CAPN9: variants seen among roughly 807,000 people sequenced by gnomAD.
The protein encoded by CAPN9 is calpain 9.
CAPN9 carries 81 observed loss-of-function variants against 92.8 expected under a neutral mutation model. The observed-to-expected ratio is 0.87, with a 90% CI of 0.73 to 1.05. The LOEUF (loss-of-function observed/expected upper bound fraction) is 1.05, where lower values mean the gene tolerates loss of function less well. CAPN9 is among the 50% of genes least tolerant of loss of function. The pLI, the probability that CAPN9 is intolerant of heterozygous loss-of-function variation, is 0.00. For missense variants in CAPN9, 848 were observed against 866.2 expected, an observed-to-expected ratio of 0.98 and a Z score of 0.26; for synonymous variants, 304 against 328.0, an observed-to-expected ratio of 0.93 and a Z score of 0.79.
At chr1:230,781,208 T>TA (rs2102899728) in intron 11 of CAPN9, among the ~76,000 whole-genome samples, 1 of 148,926 alleles carries the variant, frequency 6.7e-6, no homozygotes, top group Non-Finnish European at 1.5e-5. Context: ...GCAAGGCACA[T>TA]ATCCCTTCTA....
intron 8 of CAPN9, among the ~76,000 whole-genome samples, chr1:230,778,636 C>G (rs1657345847): frequency 6.6e-6 from 1 of 152,106 alleles, no homozygotes; most frequent in Non-Finnish European, 1.5e-5. Flanking sequence ...TAGTTCAGGT[C>G]TCCACTCAGA....
chr1:230,783,687 T>C (rs143908807), intron 11 of CAPN9, among the ~76,000 whole-genome samples: 5 of 152,320 alleles, frequency 3.3e-5, no homozygotes, highest in Non-Finnish European at 7.3e-5. Flanking sequence ...TATTTCTTTA[T>C]AGCAGTACAA....
chr1:230,789,500 A>AT (rs200162449), intron 13 of CAPN9, among the ~76,000 whole-genome samples: 1 of 138,176 alleles, frequency 7.2e-6, no homozygotes, highest in Non-Finnish European at 1.6e-5. Flanking sequence ...AAAAAAAAAA[A>AT]GCCTGAGTCT....
At chr1:230,789,692 G>T (rs575286950) in intron 13 of CAPN9, among the ~76,000 whole-genome samples, 50 of 152,206 alleles carry the variant, frequency 3.3e-4, no homozygotes, top group African/African-American at 1.0e-3. Flanking sequence ...ATTCCCTGGG[G>T]TAAGCCCCAG....
chr1:230,794,310 C>T (rs1668195651), intron 17 of CAPN9, among the ~76,000 whole-genome samples: 1 of 151,922 alleles, frequency 6.6e-6, no homozygotes, highest in Non-Finnish European at 1.5e-5. Context: ...GATGAAACCC[C>T]GCCTCTACTA....
At position 230,801,567 on chromosome 1, in the gene CAPN9, C is replaced by T. The variant is rs763070419; in HGVS notation, c.2047-3C>T. 1.7e-5 allele frequency: 27 copies of T among 1,613,796 alleles called. No individual in the cohort carries two copies. Among genetic ancestry groups the T allele is most frequent in the Non-Finnish European group, 2.3e-5 (27 of 1,179,816 alleles). ...CCCCTCATCTCTCTCTCTCTCTTCC[C>T]AGTTCATCCATTTGACAATGAACAT... On this transcript the variant is annotated splice_polypyrimidine_tract_variant and splice_region_variant and intron_variant, in intron 19 of 19. Coordinates refer to ENST00000271971, the MANE Select transcript of CAPN9 (RefSeq NM_006615.3).
chr1:230,801,030 C>T (rs1668695165), intron 19 of CAPN9, among the ~76,000 whole-genome samples: 1 of 152,158 alleles, frequency 6.6e-6, no homozygotes, highest in Admixed American at 6.5e-5. Flanking sequence ...TCACGTTGCC[C>T]CAAGTCACCA....
chr1:230,793,200 T>C (rs374699478), intron 17 of CAPN9, among the ~76,000 whole-genome samples: 1 of 152,234 alleles, frequency 6.6e-6, no homozygotes, highest in South Asian at 2.1e-4. Flanking sequence ...GCCTGCCCTC[T>C]GGAGGCCTCA....
chr1:230,787,237 C>A (rs1667654642), intron 12 of CAPN9, among the ~76,000 whole-genome samples: 1 of 152,188 alleles, frequency 6.6e-6, no homozygotes, highest in South Asian at 2.1e-4. Context: ...GCATGAAAAT[C>A]CAATGGCCAG....
At position 230,792,409 on chromosome 1, in the gene CAPN9, T is replaced by C; in HGVS notation, c.1723-17T>C. Reference sequence around the variant, plus strand: ...GTTGAAACACTGCTCATGTCTCCCTTAACCCACATGGCACAGACCAGCGGC... The same window carrying C: ...GTTGAAACACTGCTCATGTCTCCCTCAACCCACATGGCACAGACCAGCGGC... On this transcript the variant is annotated splice_polypyrimidine_tract_variant and intron_variant, in intron 15 of 19. Transcript: ENST00000271971. 5 of 1,612,118 alleles carry C rather than the reference T, an allele frequency of 3.1e-6. No individual in the cohort carries two copies. Among genetic ancestry groups the C allele is most frequent in the Non-Finnish European group, 4.2e-6 (5 of 1,178,206 alleles).
intron 17 of CAPN9, among the ~76,000 whole-genome samples, chr1:230,793,357 G>C (rs1233629681): frequency 1.3e-5 from 2 of 152,192 alleles, no homozygotes; most frequent in Admixed American, 6.5e-5. Flanking sequence ...TTTGGGGTCC[G>C]CACGTCCCTC....
intron 12 of CAPN9, among the ~76,000 whole-genome samples, chr1:230,786,729 G>C (rs1667614112): frequency 6.6e-6 from 1 of 151,870 alleles, no homozygotes; most frequent in Non-Finnish European, 1.5e-5. Context: ...CCACCTGAGA[G>C]AAGGCTGCCG....
intron 8 of CAPN9, among the ~76,000 whole-genome samples, chr1:230,775,581 C>A (rs986428587): frequency 6.6e-6 from 1 of 152,162 alleles, no homozygotes; most frequent in African/African-American, 2.4e-5. Flanking sequence ...GTGCTCCAAC[C>A]AATCAAGTCT....
chr1:230,751,594 AAAG>A (rs144534138), intron 1 of CAPN9, among the ~76,000 whole-genome samples: 6,803 of 27,674 alleles, frequency 0.25, 829 homozygotes, highest in East Asian at 0.54. Context: ...ACAAAGAAAG[AAAG>A]AAAGAAAGAA....
intron 18 of CAPN9, 63 bp from the exon 19 acceptor site, chr1:230,798,099 G>A (rs1250665331): frequency 2.0e-5 from 26 of 1,285,824 alleles, no homozygotes; most frequent in Non-Finnish European, 2.9e-5. Context: ...TTGGTCGCTG[G>A]GAAACAAACT....
rs1161994503 is a variant in CAPN9 at position 230,773,874 on chromosome 1, A to G, written c.876-680A>G. Among the ~76,000 whole-genome samples the G allele has an allele frequency of 2.6e-5, 4 of 152,144 alleles. No individual in the cohort carries two copies. In the East Asian group the frequency reaches 7.7e-4, roughly 29 times the overall value. ...CAACAGTGGTGACCTACTTTGAACT[A>G]TTTGGAGGCGGCTGTGGGAGTCACA... On this transcript the variant is annotated intron_variant, in intron 7 of 19. Coordinates refer to ENST00000271971, the MANE Select transcript of CAPN9 (RefSeq NM_006615.3).
chr1:230,798,570 C>G (rs932026066), intron 19 of CAPN9, among the ~76,000 whole-genome samples: 2 of 152,136 alleles, frequency 1.3e-5, no homozygotes, highest in Non-Finnish European at 2.9e-5. Flanking sequence ...TTCCAGCTGC[C>G]AGTTTGCTCA....
chr1:230,787,633 C>A (rs770357535), intron 13 of CAPN9, 31 bp downstream of exon 13: 6 of 1,588,954 alleles, frequency 3.8e-6, no homozygotes, highest in Non-Finnish European at 5.2e-6. Flanking sequence ...ATCTCCCCAC[C>A]AGGCTGAGGG....
Position 230,801,569 on chromosome 1 carries a change from G to A in CAPN9, c.2047-1G>A, listed in dbSNP as rs1281218552. The A allele has an allele frequency of 6.2e-7, 1 of 1,613,934 alleles. No individual in the cohort carries two copies. The highest frequency in any genetic ancestry group is 1.3e-5 in the African/African-American group (1 of 75,028). On this transcript the variant is annotated splice_acceptor_variant, in intron 19 of 19. Transcript: ENST00000271971. LOFTEE classifies it high-confidence loss of function. ...CCTCATCTCTCTCTCTCTCTTCCCA[G>A]TTCATCCATTTGACAATGAACATCT...
Sources: allele counts gnomAD v4.1 joint callset (sites outside exome capture counted in the v4.1 genomes callset), GRCh38; gene constraint gnomAD v4.1.1; transcripts MANE v1.5; gene names NCBI Gene and HGNC (gene_info 2026-07-23, HGNC 2026-07-21).